The following EXT1 variants were observed in gnomAD, a reference collection of about 807,000 sequenced individuals.
The protein encoded by EXT1 is exostosin glycosyltransferase 1.
A neutral mutation model predicts 82.5 loss-of-function variants in EXT1; 20 were observed. That is an observed-to-expected ratio of 0.24 (90% CI 0.17 to 0.35). EXT1 has a LOEUF of 0.35. Ranked by LOEUF, EXT1 falls within the 10% of genes least tolerant of loss-of-function variation. The probability of loss-of-function intolerance (pLI) is 1.00; values close to 1 mark genes in which losing one functional copy is unlikely to be tolerated. For missense variants in EXT1, 757 were observed against 936.5 expected, an observed-to-expected ratio of 0.81 and a Z score of 2.50; for synonymous variants, 348 against 350.8, an observed-to-expected ratio of 0.99 and a Z score of 0.09.
chr8:117,912,056 T>C (rs17475450), intron 1 of EXT1, among the ~76,000 whole-genome samples: 1,926 of 152,164 alleles, frequency 0.013, 37 homozygotes, highest in African/African-American at 0.043. Context: ...AGAGAGCTAA[T>C]TTTTAGGCAC....
intron 1 of EXT1, among the ~76,000 whole-genome samples, chr8:117,901,416 A>G (rs1813446586): frequency 6.6e-6 from 1 of 152,186 alleles, no homozygotes; most frequent in Non-Finnish European, 1.5e-5. Flanking sequence ...GGCCACTTAA[A>G]ATGAATAGAG....
chr8:117,899,377 T>A (rs1343468851), intron 1 of EXT1, among the ~76,000 whole-genome samples: 1 of 152,238 alleles, frequency 6.6e-6, no homozygotes, highest in African/African-American at 2.4e-5. Context: ...TCATAATATA[T>A]CTTCCCCGTA....
intron 1 of EXT1, among the ~76,000 whole-genome samples, chr8:117,883,482 C>T (rs543581059): frequency 6.6e-6 from 1 of 152,330 alleles, no homozygotes; most frequent in Admixed American, 6.5e-5. Flanking sequence ...ATGATAAAAG[C>T]TCATCAAAAT....
Position 117,799,886 on chromosome 8 carries a change from A to C in EXT1, c.2067T>G (p.Ala689=), listed in dbSNP as rs1328284323. ...KETMMGQTSR[A]SRWADPDHFA... ...AGTGGTCAGGGTCAGCCCAACGGGA[A>C]GCCCGAGAAGTCTAGGGAGAAGGAG... The change falls in exon 11 of 11, where the codon GCT becomes GCG. Residue 689 remains alanine, a synonymous_variant. Transcript: ENST00000378204. 11 of 1,613,934 alleles carry C rather than the reference A, an allele frequency of 6.8e-6. No individual in the cohort carries two copies. The highest frequency in any genetic ancestry group is 1.3e-5 in the African/African-American group (1 of 74,918).
chr8:117,980,719 T>G (rs1286766571), intron 1 of EXT1, among the ~76,000 whole-genome samples: 4,531 of 119,280 alleles, frequency 0.038, 289 homozygotes, highest in African/African-American at 0.13. Context: ...TTTTTTTTTT[T>G]TTTTTTTTTT....
intron 1 of EXT1, among the ~76,000 whole-genome samples, chr8:117,851,554 C>G (rs187964166): frequency 1.3e-5 from 2 of 150,556 alleles, no homozygotes; most frequent in Non-Finnish European, 3.0e-5. Context: ...TGCTGAAATC[C>G]TACCATGTTC....
intron 1 of EXT1, among the ~76,000 whole-genome samples, chr8:118,006,444 C>T (rs989649466): frequency 3.3e-5 from 5 of 152,082 alleles, no homozygotes; most frequent in Non-Finnish European, 7.4e-5. Flanking sequence ...CCTTTTAGAA[C>T]GTAACTTTCC....
intron 1 of EXT1, among the ~76,000 whole-genome samples, chr8:118,102,250 G>T (rs528738198): frequency 6.6e-6 from 1 of 151,836 alleles, no homozygotes; most frequent in Non-Finnish European, 1.5e-5. Context: ...CTGGGTGACA[G>T]AGCAAGACTC....
intron 1 of EXT1, among the ~76,000 whole-genome samples, chr8:117,956,926 G>T (rs531317916): frequency 3.9e-5 from 6 of 152,262 alleles, no homozygotes; most frequent in African/African-American, 1.4e-4. Context: ...ACCAGCTGGG[G>T]CCTGGAAAAT....
intron 1 of EXT1, among the ~76,000 whole-genome samples, chr8:118,022,717 C>T (rs994196732): frequency 6.6e-6 from 1 of 151,832 alleles, no homozygotes; most frequent in African/African-American, 2.4e-5. Flanking sequence ...ATGTCTATAA[C>T]TGTTGCTCAT....
Position 117,809,242 on chromosome 8 carries a change from T to TATATATA in EXT1, c.1723-1866_1723-1865insTATATAT, listed in dbSNP as rs796605483. On this transcript the variant is annotated intron_variant, in intron 8 of 10. Coordinates refer to ENST00000378204, the MANE Select transcript of EXT1 (RefSeq NM_000127.3). ...AAATATATATATATATATATATATA[T>TATATATA]ATTATGTTCTATTGATTCTGTTTGC... 4.5e-3 allele frequency among the ~76,000 whole-genome samples: 635 copies of TATATATA among 141,202 alleles called. 11 individuals carry two copies. Among genetic ancestry groups the TATATATA allele is most frequent in the East Asian group, 9.7e-3 (46 of 4,724 alleles). The allele number at this position is 141,202 out of a possible 152,430, so 92.6% of individuals were successfully genotyped here. A position where few individuals can be genotyped will look rare whatever the true frequency, so the allele number is the denominator to read the frequency against.
intron 8 of EXT1, among the ~76,000 whole-genome samples, chr8:117,812,343 A>G (rs1823339533): frequency 6.6e-6 from 1 of 152,200 alleles, no homozygotes; most frequent in Non-Finnish European, 1.5e-5. Flanking sequence ...CATCTGAAAT[A>G]GGAATCTCCA....
rs1563571246 is a variant in EXT1, at chr8:117,822,448, GGA to G, written c.1417+15_1417+16del. 1 of 1,612,120 alleles carries G rather than the reference GGA, an allele frequency of 6.2e-7. No individual in the cohort carries two copies. Among genetic ancestry groups the G allele is most frequent in the Non-Finnish European group, 8.5e-7 (1 of 1,179,468 alleles). On this transcript the variant is annotated intron_variant, in intron 5 of 10. Transcript: ENST00000378204. ...TCAGGGTAAACAAGGGCAACTCCCT[GGA>G]GGAAATTCACTTACCTAAATTAGCA... is the stretch of plus-strand genomic sequence containing the variant.
chr8:117,835,691 G>A lies in EXT1; in HGVS notation c.1057-140C>T, dbSNP rs573454143. On this transcript the variant is annotated intron_variant, in intron 2 of 10. Coordinates refer to ENST00000378204, the MANE Select transcript of EXT1 (RefSeq NM_000127.3). ...CTGGACTGCCTAGGCCAGAAGGAAAGGAAGCTTTTATGAGTTATCAAGTCA... is the reference window on the plus strand; with the variant it reads ...CTGGACTGCCTAGGCCAGAAGGAAAAGAAGCTTTTATGAGTTATCAAGTCA... 58 of 695,992 alleles carry A rather than the reference G, an allele frequency of 8.3e-5. 1 individual carries two copies. The highest frequency in any genetic ancestry group is 1.5e-4 in the Admixed American group (7 of 46,368). The allele number at this position is 695,992 out of a possible 1,614,324, so 43.1% of individuals were successfully genotyped here. A position where few individuals can be genotyped will look rare whatever the true frequency, so the allele number is the denominator to read the frequency against.
chr8:117,857,008 A>G (rs187323401), intron 1 of EXT1, among the ~76,000 whole-genome samples: 5 of 152,210 alleles, frequency 3.3e-5, no homozygotes, highest in African/African-American at 1.2e-4. Context: ...TTAAAGCTAA[A>G]TCTACTCTGC....
In EXT1 at chr8:117,807,007, T is replaced by C. The variant is rs564167066; in HGVS notation, c.1883+210A>G. On this transcript the variant is annotated intron_variant, in intron 9 of 10. Coordinates refer to ENST00000378204, the MANE Select transcript of EXT1 (RefSeq NM_000127.3). Reference sequence around the variant, plus strand: ...TCACACTTCAGACCAACTGAAAATGTTACTCTACCATAATTTCTGGAAATG... The same window carrying C: ...TCACACTTCAGACCAACTGAAAATGCTACTCTACCATAATTTCTGGAAATG... Among the ~76,000 whole-genome samples the C allele has an allele frequency of 5.3e-4, 81 of 152,338 alleles. 1 individual carries two copies. The highest frequency in any genetic ancestry group is 5.2e-3 in the Admixed American group (80 of 15,302).
chr8:117,934,777 T>C (rs887883424), intron 1 of EXT1, among the ~76,000 whole-genome samples: 5 of 152,222 alleles, frequency 3.3e-5, no homozygotes, highest in Admixed American at 2.0e-4. Context: ...AGGACAGCAA[T>C]GTGCACGCTT....
At chr8:117,980,487 A>AAAG (rs1815167256) in intron 1 of EXT1, among the ~76,000 whole-genome samples, 1 of 152,116 alleles carries the variant, frequency 6.6e-6, no homozygotes, top group Non-Finnish European at 1.5e-5. Flanking sequence ...CCACTGCTAA[A>AAAG]ATCTTCCTTA....
At position 118,111,372 on chromosome 8, in the gene EXT1, G is replaced by A; in HGVS notation, c.-326C>T. 1.8e-6 allele frequency: 1 copy of A among 562,344 alleles called. No homozygotes were observed. The highest frequency in any genetic ancestry group is 3.1e-6 in the Non-Finnish European group (1 of 318,360). The allele number at this position is 562,344 out of a possible 1,614,324, so 34.8% of individuals were successfully genotyped here. On this transcript the variant is annotated 5_prime_UTR_variant, in exon 1 of 11. Transcript: ENST00000378204. ...CAAGACGGAGGAAAAGAAAGAGAGAGGGGAGAAAAAAAAAGCTCCCGATAC... is the reference window on the plus strand; with the variant it reads ...CAAGACGGAGGAAAAGAAAGAGAGAAGGGAGAAAAAAAAAGCTCCCGATAC...
Sources: allele counts gnomAD v4.1 joint callset (sites outside exome capture counted in the v4.1 genomes callset), GRCh38; gene constraint gnomAD v4.1.1; transcripts MANE v1.5; gene names NCBI Gene and HGNC (gene_info 2026-07-23, HGNC 2026-07-21).